Variants in NRAP observed in about 807,000 individuals in gnomAD.
NRAP encodes nebulin-related-anchoring protein.
A neutral mutation model predicts 225.9 loss-of-function variants in NRAP; 189 were observed. The observed-to-expected ratio is 0.84, with a 90% CI of 0.74 to 0.94. The LOEUF is 0.94. Ranked by LOEUF, NRAP falls within the 40% of genes least tolerant of loss-of-function variation. The probability of loss-of-function intolerance (pLI) is 0.00; values close to 1 mark genes in which losing one functional copy is unlikely to be tolerated. For missense variants in NRAP, 2,176 were observed against 2,168.7 expected (o/e 1.00, Z -0.07); for synonymous variants, 769 against 790.7 (o/e 0.97, Z 0.46).
intron 15 of NRAP, among the ~76,000 whole-genome samples, chr10:113,633,633 G>A (rs1390477675): frequency 6.6e-6 from 1 of 152,118 alleles, no homozygotes; most frequent in Non-Finnish European, 1.5e-5. Flanking sequence ...CATCCGAGAA[G>A]CAGTCTTGAC....
Position 113,590,886 on chromosome 10 carries a change from G to A in NRAP, c.4648C>T (p.Arg1550Trp), listed in dbSNP as rs140046254. Residue 1550 changes from arginine (R) to tryptophan (W), a missense_variant, in exon 40 of 42, where the codon CGG (arginine) becomes TGG (tryptophan). Physicochemically the swap from Arg to Trp is moderately radical, Grantham distance 101. Coordinates refer to ENST00000359988, the MANE Select transcript of NRAP (RefSeq NM_198060.4). The part of the protein sequence containing the change: ...RASREIASDF[R>W]YKEAFLRDRG... ...TCCCGCAGGAAAGCCTCTTTGTACC[G>A]GAACTGCAAGTCAGAGGAGCAGAGG... 1.7e-3 allele frequency: 2,723 copies of A among 1,613,172 alleles called. 4 individuals carry two copies. Among genetic ancestry groups the A allele is most frequent in the Non-Finnish European group, 2.2e-3 (2,562 of 1,179,244 alleles).
chr10:113,630,049 ACT>A (rs1441584702), intron 18 of NRAP, among the ~76,000 whole-genome samples: 1 of 151,752 alleles, frequency 6.6e-6, no homozygotes, highest in Non-Finnish European at 1.5e-5. Context: ...CCAGGAGAAA[ACT>A]CTATTCCCAA....
chr10:113,647,105 G>A (rs1482515148), intron 9 of NRAP, 78 bp from the exon 10 acceptor site: 5 of 879,296 alleles, frequency 5.7e-6, no homozygotes, highest in Non-Finnish European at 9.7e-6. Flanking sequence ...GTCACTCATA[G>A]AGCCTATTCT....
At chr10:113,645,397 G>C (rs1335136302) in intron 11 of NRAP, among the ~76,000 whole-genome samples, 1 of 142,052 alleles carries the variant, frequency 7.0e-6, no homozygotes, top group Non-Finnish European at 1.6e-5. Flanking sequence ...GGGTAGAATA[G>C]GTGGTGTCAC....
chr10:113,629,121 C>T, intron 19 of NRAP, 100 bp from the exon 20 acceptor site: 1 of 855,450 alleles, frequency 1.2e-6, no homozygotes, highest in South Asian at 1.4e-5. Flanking sequence ...CATTTGCCTT[C>T]CTAGAAGAAC....
rs373162674 is a variant in NRAP at position 113,593,826 on chromosome 10, T to C, written c.4537-1525A>G. ...GCCCGCACCAGATCTGGGCTGGTTA[T>C]TGACACCAAACTTGATGCAACATCG... On this transcript the variant is annotated intron_variant, in intron 38 of 41. Transcript: ENST00000359988. Among the ~76,000 whole-genome samples, 60 of 152,364 alleles carry C rather than the reference T, an allele frequency of 3.9e-4. 1 individual carries two copies. The East Asian group carries it at 5.0e-3, about 13-fold the overall frequency.
At chr10:113,659,042 T>C (rs544386691) in intron 3 of NRAP, among the ~76,000 whole-genome samples, 1 of 152,300 alleles carries the variant, frequency 6.6e-6, no homozygotes, top group South Asian at 2.1e-4. Flanking sequence ...ATATTGACTT[T>C]CCAGGGTTGC....
At chr10:113,626,325 T>G (rs1477248541) in intron 20 of NRAP, among the ~76,000 whole-genome samples, 180 bp from the exon 21 acceptor site, 1 of 152,170 alleles carries the variant, frequency 6.6e-6, no homozygotes, top group Non-Finnish European at 1.5e-5. Context: ...CCTGTTCCAG[T>G]GAACTTGATT....
At position 113,614,931 on chromosome 10, in the gene NRAP, A is replaced by G. The variant is rs756628449; in HGVS notation, c.3094T>C (p.Ser1032Pro). Residue 1032 changes from serine (S) to proline (P), a missense_variant, in exon 28 of 42, where the codon TCC becomes CCC. Physicochemically the swap from Ser to Pro is moderately conservative, Grantham distance 74. Coordinates refer to ENST00000359988, the MANE Select transcript of NRAP (RefSeq NM_198060.4). Reference sequence around the variant, plus strand: ...CCACCATCTCGAAGTTTGCTCCAGGATTCCTTATAACGCGTCTGTCGGGAA... The same window carrying G: ...CCACCATCTCGAAGTTTGCTCCAGGGTTCCTTATAACGCGTCTGTCGGGAA... ...MNISETRYKE[S>P]WSKLRDGGYK... is the part of the protein sequence containing the mutation. 55 of 1,605,512 alleles carry G rather than the reference A, an allele frequency of 3.4e-5. No individual in the cohort carries two copies. Among genetic ancestry groups the G allele is most frequent in the Non-Finnish European group, 4.6e-5 (54 of 1,172,186 alleles).
chr10:113,589,901 T>C, intron 40 of NRAP, 104 bp from the exon 41 acceptor site: 2 of 1,296,950 alleles, frequency 1.5e-6, no homozygotes, highest in South Asian at 2.9e-5. Flanking sequence ...TGAGACTATG[T>C]TGTCTGTCAT....
intron 23 of NRAP, among the ~76,000 whole-genome samples, 200 bp downstream of exon 23, chr10:113,623,329 C>T (rs1278286450): frequency 1.3e-5 from 2 of 152,166 alleles, no homozygotes; most frequent in African/African-American, 4.8e-5. Flanking sequence ...TACTGAAAAT[C>T]AGTGTGTGGC....
chr10:113,662,586 C>T lies in NRAP; in HGVS notation c.255+93G>A. Reference sequence around the variant, plus strand: ...TGTAGGTGTGAGCCACTGTGCCTGGCTAGAATATATTCCTTTTATCTATTT... The same window carrying T: ...TGTAGGTGTGAGCCACTGTGCCTGGTTAGAATATATTCCTTTTATCTATTT... On this transcript the variant is annotated intron_variant, in intron 3 of 41. Transcript: ENST00000359988. 8.8e-6 allele frequency: 7 copies of T among 795,622 alleles called. No homozygotes were observed. In the South Asian group the frequency reaches 1.0e-4, roughly 12 times the overall value. 49.3% of individuals were successfully genotyped at this position (795,622 alleles called of 1,614,324 possible). A position where few individuals can be genotyped will look rare whatever the true frequency, so the allele number is the denominator to read the frequency against.
At chr10:113,646,846 T>C (rs1487836859) in intron 10 of NRAP, 77 bp downstream of exon 10, 2 of 944,734 alleles carry the variant, frequency 2.1e-6, no homozygotes, top group Non-Finnish European at 3.5e-6. Context: ...TATCTGTGTG[T>C]AGGTTTCAGT....
intron 4 of NRAP, among the ~76,000 whole-genome samples, chr10:113,655,160 T>C: frequency 6.6e-6 from 1 of 152,206 alleles, no homozygotes; most frequent in East Asian, 1.9e-4. Flanking sequence ...CAAACACTTA[T>C]CTGACAATAC....
intron 4 of NRAP, among the ~76,000 whole-genome samples, chr10:113,656,482 C>T (rs1434579016): frequency 3.9e-5 from 6 of 152,182 alleles, no homozygotes; most frequent in African/African-American, 1.4e-4. Flanking sequence ...TGTCCTTAAC[C>T]TTGGCAAAAT....
chr10:113,616,493 T>C (rs1847672647), intron 26 of NRAP, among the ~76,000 whole-genome samples: 2 of 152,336 alleles, frequency 1.3e-5, no homozygotes, highest in South Asian at 4.1e-4. Context: ...TTTTTCTTCA[T>C]ACAAAAGTTC....
intron 25 of NRAP, among the ~76,000 whole-genome samples, chr10:113,619,827 GCCTCCTGGGAGCCTTGT>G (rs1226345587): frequency 2.6e-5 from 4 of 152,148 alleles, no homozygotes; most frequent in African/African-American, 9.7e-5. Flanking sequence ...ATGGTGTCCA[GCCTCCTGGGAGCCTTGT>G]CCTGTGCCTC....
At chr10:113,646,159 A>C (rs190475051) in intron 10 of NRAP, among the ~76,000 whole-genome samples, 1 of 152,170 alleles carries the variant, frequency 6.6e-6, no homozygotes, top group African/African-American at 2.4e-5. Flanking sequence ...CACTTTTTAT[A>C]CTTTATACTC....
chr10:113,646,506 C>G lies in NRAP; in HGVS notation c.993+417G>C, dbSNP rs375533414. ...GTCACTTTTCCAAGTTTAATTATACCCTGCCTTCCAAGGACTGCCAGCAGG... is the reference window on the plus strand; with the variant it reads ...GTCACTTTTCCAAGTTTAATTATACGCTGCCTTCCAAGGACTGCCAGCAGG... On this transcript the variant is annotated intron_variant, in intron 10 of 41. Transcript: ENST00000359988. 3.9e-5 allele frequency among the ~76,000 whole-genome samples: 6 copies of G among 152,288 alleles called. No homozygotes were observed. In the East Asian group the frequency reaches 9.6e-4, roughly 24 times the overall value.
Sources: gnomAD v4.1 joint callset for allele counts (sites outside exome capture counted in the v4.1 genomes callset) on GRCh38, gnomAD v4.1.1 for gene constraint, MANE v1.5 for transcripts, NCBI Gene and HGNC (gene_info 2026-07-23, HGNC 2026-07-21) for gene names.